The following RARB variants were observed in gnomAD, a reference collection of about 807,000 sequenced individuals.
RARB encodes retinoic acid receptor beta.
In RARB, 17 loss-of-function variants were observed where a neutral mutation model predicts 51.9. That is an observed-to-expected ratio of 0.33 (90% CI 0.22 to 0.49). RARB has a LOEUF of 0.49. Among genes scored for constraint, RARB ranks in the 20% least tolerant of loss-of-function variants. RARB has a pLI of 0.99. For synonymous variants in RARB, 215 were observed against 195.4 expected (o/e 1.10, Z -0.84); for missense variants, 369 against 550.8 (o/e 0.67, Z 3.30).
chr3:25,292,251 A>G (rs1703807062), intron 5 of RARB, among the ~76,000 whole-genome samples: 2 of 152,150 alleles, frequency 1.3e-5, no homozygotes, highest in Admixed American at 6.5e-5. Flanking sequence ...TTGGATGGTG[A>G]GATAGCCCCT....
chr3:24,921,084 T>C (rs780668925), intron 2 of RARB, among the ~76,000 whole-genome samples: 4 of 152,184 alleles, frequency 2.6e-5, no homozygotes, highest in African/African-American at 9.6e-5. Flanking sequence ...GTCTGTTCTA[T>C]AGACAGTGAT....
At chr3:25,430,196 G>T (rs1708146859) in intron 1 of RARB, among the ~76,000 whole-genome samples, 1 of 152,232 alleles carries the variant, frequency 6.6e-6, no homozygotes, top group African/African-American at 2.4e-5. Context: ...AGGGCAAAAA[G>T]AATATCGTTT....
upstream of RARB, among the ~76,000 whole-genome samples, chr3:25,423,312 A>G (rs1450561011): frequency 6.6e-6 from 1 of 152,256 alleles, no homozygotes; most frequent in African/African-American, 2.4e-5. Context: ...GAAACAACCT[A>G]AATGTCTTAA....
chr3:25,385,030 G>T (rs1706751347), intron 5 of RARB, among the ~76,000 whole-genome samples: 1 of 152,050 alleles, frequency 6.6e-6, no homozygotes, highest in East Asian at 1.9e-4. Context: ...ACATTGAGTT[G>T]TACCCCCATG....
chr3:24,991,761 G>GTTT (rs77706052), intron 2 of RARB, among the ~76,000 whole-genome samples: 31 of 143,410 alleles, frequency 2.2e-4, no homozygotes, highest in Non-Finnish European at 3.7e-4. Context: ...TATGGAGGGT[G>GTTT]TTTTTTTTTT....
chr3:24,921,906 G>A (rs1695224250), intron 2 of RARB, among the ~76,000 whole-genome samples: 1 of 152,188 alleles, frequency 6.6e-6, no homozygotes, highest in African/African-American at 2.4e-5. Flanking sequence ...TCATGAATTT[G>A]CTGACTTGAA....
intron 2 of RARB, among the ~76,000 whole-genome samples, chr3:24,877,495 A>T (rs1703069915): frequency 6.6e-6 from 1 of 151,856 alleles, no homozygotes; most frequent in African/African-American, 2.4e-5. Context: ...AGAAACAGTT[A>T]TGGTGACTTC....
chr3:24,993,393 T>C (rs1696954653), intron 2 of RARB, among the ~76,000 whole-genome samples: 1 of 152,092 alleles, frequency 6.6e-6, no homozygotes, highest in African/African-American at 2.4e-5. Context: ...TTGGCTATGG[T>C]TTAAATTTTC....
chr3:25,148,656 ATC>A (rs1200402404), intron 4 of RARB, among the ~76,000 whole-genome samples: 4 of 152,174 alleles, frequency 2.6e-5, no homozygotes, highest in Admixed American at 6.5e-5. Flanking sequence ...TACCTTTGTG[ATC>A]TTAAGCATAT....
chr3:24,981,084 A>G (rs1190991879), intron 2 of RARB, among the ~76,000 whole-genome samples: 1 of 152,190 alleles, frequency 6.6e-6, no homozygotes. Flanking sequence ...TTGCCTGGGT[A>G]TCACCAGCGG....
chr3:25,470,340 T>A (rs1695623985), intron 2 of RARB, among the ~76,000 whole-genome samples: 1 of 152,200 alleles, frequency 6.6e-6, no homozygotes. Flanking sequence ...ATGGTAAATA[T>A]TCATTGGATG....
chr3:25,515,064 TTGGGGCTGAGGAAACTC>T (rs1698089458), intron 3 of RARB, among the ~76,000 whole-genome samples: 1 of 152,230 alleles, frequency 6.6e-6, no homozygotes, highest in Non-Finnish European at 1.5e-5. Flanking sequence ...CTCCTGTCTC[TTGGGGCTGAGGAAACTC>T]TTGGAGATGG....
chr3:25,209,531 T>C (rs1227795844), intron 5 of RARB, among the ~76,000 whole-genome samples: 2 of 152,170 alleles, frequency 1.3e-5, no homozygotes, highest in African/African-American at 2.4e-5. Flanking sequence ...TTTGTGAACA[T>C]TGTTAAAGGA....
intron 3 of RARB, among the ~76,000 whole-genome samples, chr3:25,129,861 T>C (rs1699917656): frequency 6.6e-6 from 1 of 152,086 alleles, no homozygotes. Context: ...AAGAAGGTGA[T>C]TAGAAATTGT....
intron 5 of RARB, among the ~76,000 whole-genome samples, chr3:25,276,552 G>A (rs1413574472): frequency 2.0e-5 from 3 of 152,142 alleles, no homozygotes; most frequent in African/African-American, 7.2e-5. Context: ...TTAGTAACTA[G>A]GAAACTACTC....
At chr3:25,100,454 T>C (rs1699378665) in intron 3 of RARB, among the ~76,000 whole-genome samples, 2 of 152,096 alleles carry the variant, frequency 1.3e-5, no homozygotes, top group African/African-American at 2.4e-5. Context: ...TATTTGAAGG[T>C]GAATGGCTTA....
chr3:24,863,646 G>T (rs1448711119), intron 2 of RARB, among the ~76,000 whole-genome samples: 1 of 151,108 alleles, frequency 6.6e-6, no homozygotes, highest in African/African-American at 2.4e-5. Context: ...TTTAATTAGA[G>T]AACACCACTA....
intron 5 of RARB, among the ~76,000 whole-genome samples, chr3:25,212,954 G>A (rs1701734340): frequency 6.6e-6 from 1 of 152,180 alleles, no homozygotes; most frequent in African/African-American, 2.4e-5. Context: ...AGGTCCCTGA[G>A]CATTGCGGCA....
chr3:25,479,935 A>G (rs1014142159), intron 2 of RARB, among the ~76,000 whole-genome samples: 1 of 152,242 alleles, frequency 6.6e-6, no homozygotes, highest in African/African-American at 2.4e-5. Flanking sequence ...TGAATGACCC[A>G]CAAAATGCCC....
Sources: allele counts gnomAD v4.1 joint callset (sites outside exome capture counted in the v4.1 genomes callset), GRCh38; gene constraint gnomAD v4.1.1; transcripts MANE v1.5; gene names NCBI Gene and HGNC (gene_info 2026-07-23, HGNC 2026-07-21).